The following GRID2 variants were observed in gnomAD, a reference collection of about 807,000 sequenced individuals.
GRID2 encodes the protein glutamate receptor ionotropic, delta-2.
Under a neutral mutation model 114.8 loss-of-function variants are expected in GRID2, and 33 were observed. The observed-to-expected ratio is 0.29, with a 90% CI of 0.22 to 0.38. GRID2 has a LOEUF of 0.38. GRID2 is among the 10% of genes least tolerant of loss of function. The pLI is 1.00. For missense variants in GRID2, 1,184 were observed against 1,257.7 expected (o/e 0.94, Z 0.89); for synonymous variants, 505 against 449.9 (o/e 1.12, Z -1.55).
intron 9 of GRID2, among the ~76,000 whole-genome samples, chr4:93,419,367 T>G (rs765043910): frequency 6.6e-6 from 1 of 151,964 alleles, no homozygotes; most frequent in Non-Finnish European, 1.5e-5. Context: ...TAGATAAAAG[T>G]GATCAAAACA....
At chr4:93,143,101 G>A (rs1441769839) in intron 4 of GRID2, among the ~76,000 whole-genome samples, 1 of 152,154 alleles carries the variant, frequency 6.6e-6, no homozygotes, top group Non-Finnish European at 1.5e-5. Context: ...GAGGCAGTAA[G>A]CAAATCTGCC....
chr4:93,218,333 C>A (rs992361263), intron 6 of GRID2, among the ~76,000 whole-genome samples: 1 of 151,874 alleles, frequency 6.6e-6, no homozygotes, highest in Admixed American at 6.6e-5. Flanking sequence ...AACCCCATCT[C>A]TGAAAAAAAT....
At chr4:92,792,503 A>ACACACACACACT (rs1414040335) in intron 2 of GRID2, among the ~76,000 whole-genome samples, 34 of 135,940 alleles carry the variant, frequency 2.5e-4, no homozygotes, top group African/African-American at 9.2e-4. Context: ...ACACACACAC[A>ACACACACACACT]CTGTCACTCT....
chr4:93,756,913 A>T lies in GRID2; in HGVS notation c.2361-12297A>T, dbSNP rs990934579. Among the ~76,000 whole-genome samples, 4 of 152,248 alleles carry T rather than the reference A, an allele frequency of 2.6e-5. No homozygotes were observed. In the South Asian group the frequency reaches 8.3e-4, roughly 32 times the overall value. On this transcript the variant is annotated intron_variant, in intron 14 of 15. Transcript: ENST00000282020. ...CAAGGAGTTGATAGCCTGATTGAGA[A>T]TATAAGAAGTGCATCAGAAGAAAAA...
At chr4:92,816,964 A>G (rs1740954862) in intron 2 of GRID2, among the ~76,000 whole-genome samples, 1 of 152,106 alleles carries the variant, frequency 6.6e-6, no homozygotes, top group African/African-American at 2.4e-5. Flanking sequence ...GCTGCCCTTC[A>G]TGTAACTTAG....
chr4:93,188,958 G>T lies in GRID2; in HGVS notation c.736-18446G>T, dbSNP rs374570441. On this transcript the variant is annotated intron_variant, in intron 4 of 15. Transcript: ENST00000282020. ...TCATACACATTTCAATCAATATTCT[G>T]ATCACAACCATTTAGGTAATCTCTA... 3.6e-4 allele frequency among the ~76,000 whole-genome samples: 55 copies of T among 152,120 alleles called. No individual in the cohort carries two copies. The South Asian group carries it at 9.8e-3, about 27-fold the overall frequency.
chr4:92,648,610 T>C lies in GRID2; in HGVS notation c.244+58324T>C. On this transcript the variant is annotated intron_variant, in intron 2 of 15. Coordinates refer to ENST00000282020, the MANE Select transcript of GRID2 (RefSeq NM_001510.4). ...TTTAAAAATAATAAAAATGCCATGTTAAGAGTAATTAATAAGACTGTATAT... is the reference window on the plus strand; with the variant it reads ...TTTAAAAATAATAAAAATGCCATGTCAAGAGTAATTAATAAGACTGTATAT... Among the ~76,000 whole-genome samples the C allele has an allele frequency of 1.3e-5, 2 of 149,388 alleles. 1 individual carries two copies.
chr4:93,033,497 C>T (rs963719584), intron 2 of GRID2, among the ~76,000 whole-genome samples: 3 of 152,130 alleles, frequency 2.0e-5, no homozygotes, highest in Admixed American at 6.6e-5. Context: ...ACTAGAACCT[C>T]GTTGTGCAGA....
At chr4:93,083,589 A>G (rs565907364) in intron 2 of GRID2, among the ~76,000 whole-genome samples, 4 of 151,184 alleles carry the variant, frequency 2.6e-5, no homozygotes, top group African/African-American at 9.7e-5. Context: ...CCACCTACTC[A>G]GGAGGCTGAG....
chr4:93,289,540 G>C (rs1235912567), intron 8 of GRID2, among the ~76,000 whole-genome samples: 4 of 151,984 alleles, frequency 2.6e-5, no homozygotes, highest in Non-Finnish European at 5.9e-5. Context: ...CACACATATT[G>C]GTACTGGTAG....
intron 1 of GRID2, among the ~76,000 whole-genome samples, chr4:92,586,029 C>A (rs1463041794): frequency 7.6e-6 from 1 of 131,312 alleles, no homozygotes; most frequent in Non-Finnish European, 1.6e-5. Context: ...TAAGATTATA[C>A]CTAATTTAAT....
At chr4:92,557,303 A>G (rs1726898580) in intron 1 of GRID2, among the ~76,000 whole-genome samples, 1 of 151,764 alleles carries the variant, frequency 6.6e-6, no homozygotes, top group Non-Finnish European at 1.5e-5. Flanking sequence ...AAAATGTATT[A>G]AATAAAATAT....
At chr4:92,495,286 T>A (rs1723332521) in intron 1 of GRID2, among the ~76,000 whole-genome samples, 1 of 151,988 alleles carries the variant, frequency 6.6e-6, no homozygotes, top group Admixed American at 6.6e-5. Context: ...TGGTTATTGG[T>A]CACTGAGAAG....
chr4:92,935,826 A>G lies in GRID2; in HGVS notation c.245-149169A>G, dbSNP rs1229361020. 1.0e-4 allele frequency among the ~76,000 whole-genome samples: 14 copies of G among 134,784 alleles called. 2 individuals carry two copies. Among genetic ancestry groups the G allele is most frequent in the Non-Finnish European group, 2.2e-4 (14 of 62,506 alleles). 88.4% of individuals were successfully genotyped at this position (134,784 alleles called of 152,430 possible). A position where few individuals can be genotyped will look rare whatever the true frequency, so the allele number is the denominator to read the frequency against. On this transcript the variant is annotated intron_variant, in intron 2 of 15. Coordinates refer to ENST00000282020, the MANE Select transcript of GRID2 (RefSeq NM_001510.4). Reference sequence around the variant, plus strand: ...TGCATGTTCTCACTCATAGGTGGGAATTGAATAATGAGAACACATGGACAC... The same window carrying G: ...TGCATGTTCTCACTCATAGGTGGGAGTTGAATAATGAGAACACATGGACAC...
intron 14 of GRID2, among the ~76,000 whole-genome samples, chr4:93,631,714 C>T (rs553545261): frequency 3.9e-4 from 59 of 152,284 alleles, no homozygotes; most frequent in African/African-American, 1.4e-3. Context: ...GATTTACAAT[C>T]CTTTGGGTAT....
At chr4:92,662,688 G>A (rs1732580264) in intron 2 of GRID2, among the ~76,000 whole-genome samples, 1 of 151,086 alleles carries the variant, frequency 6.6e-6, no homozygotes, top group Non-Finnish European at 1.5e-5. Flanking sequence ...TACAAACTGG[G>A]AAAAGTAGAG....
intron 14 of GRID2, among the ~76,000 whole-genome samples, chr4:93,685,082 A>C (rs1725954883): frequency 6.6e-6 from 1 of 152,064 alleles, no homozygotes; most frequent in Admixed American, 6.6e-5. Context: ...GCTTGATAAA[A>C]AGGAAAAAAA....
chr4:92,322,104 G>T (rs532397310), intron 1 of GRID2, among the ~76,000 whole-genome samples: 3 of 152,092 alleles, frequency 2.0e-5, no homozygotes, highest in Admixed American at 2.0e-4. Context: ...ATCAAATAGG[G>T]TTCCCTGTTT....
intron 1 of GRID2, among the ~76,000 whole-genome samples, chr4:92,470,279 C>CA (rs576658388): frequency 7.3e-5 from 11 of 150,616 alleles, no homozygotes; most frequent in African/African-American, 1.7e-4. Context: ...TTTTATCATC[C>CA]AAAAAAAATC....
Sources: gnomAD v4.1 joint callset for allele counts (sites outside exome capture counted in the v4.1 genomes callset) on GRCh38, gnomAD v4.1.1 for gene constraint, MANE v1.5 for transcripts, NCBI Gene and HGNC (gene_info 2026-07-23, HGNC 2026-07-21) for gene names.